The following STXBP4 variants were observed in gnomAD, a reference collection of about 807,000 sequenced individuals.
The protein encoded by STXBP4 is syntaxin binding protein 4, also known as syntaxin-binding protein 4.
A neutral mutation model predicts 76.1 loss-of-function variants in STXBP4; 55 were observed. The observed-to-expected ratio is 0.72, with a 90% CI of 0.58 to 0.91. STXBP4 has a LOEUF of 0.91. STXBP4 is among the 40% of genes least tolerant of loss of function. STXBP4 has a pLI of 0.00. For missense variants in STXBP4, 618 were observed against 636.9 expected (o/e 0.97, Z 0.32); for synonymous variants, 201 against 220.2 (o/e 0.91, Z 0.77).
chr17:55,135,819 C>T (rs747280861), intron 16 of STXBP4, among the ~76,000 whole-genome samples: 12 of 152,034 alleles, frequency 7.9e-5, no homozygotes, highest in Non-Finnish European at 1.6e-4. Flanking sequence ...CAAATTGAGA[C>T]GTTGGGAATC....
rs951509907 is a variant in STXBP4 at position 55,031,232 on chromosome 17, A to G, written c.731A>G (p.Gln244Arg). The G allele has an allele frequency of 1.2e-6, 2 of 1,613,170 alleles. No individual in the cohort carries two copies. The highest frequency in any genetic ancestry group is 3.3e-5 in the Admixed American group (2 of 59,962). ...CACCAAGCCCTGAGACAGCAAGTAC[A>G]AGCAGACTCAAAAGGGACAGTGTCT... Reference protein sequence around the residue: ...EQHQALRQQVQADSKGTVSFG... With the variant: ...EQHQALRQQVRADSKGTVSFG... The change falls in exon 9 of 18, where the codon CAA becomes CGA. Residue 244 changes from glutamine to arginine, a missense_variant. Transcript: ENST00000376352.
chr17:55,146,266 C>G (rs888793013), intron 17 of STXBP4, among the ~76,000 whole-genome samples: 1 of 152,072 alleles, frequency 6.6e-6, no homozygotes, highest in Non-Finnish European at 1.5e-5. Flanking sequence ...TAAATTTCTC[C>G]AAAATTTTAG....
At chr17:55,206,857 G>GAAAAAAAAAAA in the STXBP4 span, among the ~76,000 whole-genome samples, 1 of 103,164 alleles carries the variant, frequency 9.7e-6, no homozygotes, top group Non-Finnish European at 2.0e-5. Flanking sequence ...CTCCGTCTCA[G>GAAAAAAAAAAA]AAAAAAAAAA....
At chr17:55,152,601 A>G (rs960117702) in intron 17 of STXBP4, among the ~76,000 whole-genome samples, 12 of 152,168 alleles carry the variant, frequency 7.9e-5, no homozygotes, top group African/African-American at 2.9e-4. Flanking sequence ...AGGCAGCAGG[A>G]GTGAGAAGTG....
intron 8 of STXBP4, among the ~76,000 whole-genome samples, chr17:55,015,877 A>C (rs201781398): frequency 0.045 from 4,747 of 106,648 alleles, no homozygotes; most frequent in Non-Finnish European, 0.048. Context: ...CACTTCACTC[A>C]ATTTGCCTTC....
intron 8 of STXBP4, among the ~76,000 whole-genome samples, chr17:55,023,753 G>A (rs150537347): frequency 7.9e-5 from 12 of 152,152 alleles, no homozygotes; most frequent in East Asian, 5.8e-4. Flanking sequence ...AAGTGTGTGA[G>A]CACTTGTGTG....
chr17:55,076,819 T>C lies in STXBP4; in HGVS notation c.1189-1259T>C, dbSNP rs536481697. On this transcript the variant is annotated intron_variant, in intron 13 of 17. Coordinates refer to ENST00000376352, the MANE Select transcript of STXBP4 (RefSeq NM_178509.6). ...TTCTGGCTGTTTTCTCTTTACCTTTTCTCCCCATTTGTATTTCAATTTTTG... is the reference window on the plus strand; with the variant it reads ...TTCTGGCTGTTTTCTCTTTACCTTTCCTCCCCATTTGTATTTCAATTTTTG... 2.8e-4 allele frequency among the ~76,000 whole-genome samples: 43 copies of C among 152,270 alleles called. 1 individual carries two copies. The highest frequency in any genetic ancestry group is 6.8e-3 in the Middle Eastern group (2 of 294).
At chr17:55,073,116 C>T (rs2079142501) in intron 13 of STXBP4, 40 bp downstream of exon 13, 2 of 1,592,398 alleles carry the variant, frequency 1.3e-6, no homozygotes, top group Non-Finnish European at 1.7e-6. Flanking sequence ...CCATGGTTTC[C>T]TTGCCGTTGT....
At chr17:55,000,236 G>C in intron 6 of STXBP4, 1 of 985,306 alleles carries the variant, frequency 1.0e-6, no homozygotes. Context: ...ACACAGTGAG[G>C]CTAATCCCAG....
At chr17:55,008,027 C>T (rs2078040452) in intron 8 of STXBP4, among the ~76,000 whole-genome samples, 1 of 151,726 alleles carries the variant, frequency 6.6e-6, no homozygotes, top group Non-Finnish European at 1.5e-5. Flanking sequence ...AGTCAGATGT[C>T]CACTAAATAT....
intron 16 of STXBP4, among the ~76,000 whole-genome samples, chr17:55,094,051 A>G (rs1197578646): frequency 1.3e-5 from 2 of 152,088 alleles, no homozygotes; most frequent in East Asian, 3.9e-4. Flanking sequence ...GTCTTCTTTG[A>G]AGAGGTAACA....
At chr17:54,998,876 TA>T (rs2077859351) in intron 4 of STXBP4, among the ~76,000 whole-genome samples, 2 of 152,064 alleles carry the variant, frequency 1.3e-5, no homozygotes, top group South Asian at 4.1e-4. Flanking sequence ...ACTAAAGTTT[TA>T]AAAATCTCAA....
intron 16 of STXBP4, among the ~76,000 whole-genome samples, chr17:55,094,088 A>T (rs2079451578): frequency 6.6e-6 from 1 of 151,924 alleles, no homozygotes; most frequent in South Asian, 2.1e-4. Flanking sequence ...GCCAGGAACA[A>T]AAACTATGGG....
At chr17:55,069,461 A>G (rs1043560146) in intron 12 of STXBP4, among the ~76,000 whole-genome samples, 1 of 152,176 alleles carries the variant, frequency 6.6e-6, no homozygotes, top group Non-Finnish European at 1.5e-5. Context: ...GTTATTTATT[A>G]GAAGACAGCC....
At chr17:55,151,296 C>T (rs997732149) in intron 17 of STXBP4, among the ~76,000 whole-genome samples, 1 of 152,144 alleles carries the variant, frequency 6.6e-6, no homozygotes, top group African/African-American at 2.4e-5. Context: ...CTTTGATACT[C>T]TGAGCCTCAG....
At chr17:55,136,913 A>G (rs560751875) in intron 16 of STXBP4, among the ~76,000 whole-genome samples, 1 of 152,282 alleles carries the variant, frequency 6.6e-6, no homozygotes, top group East Asian at 1.9e-4. Flanking sequence ...CACCAGAACC[A>G]TAAGCAATGA....
At chr17:55,016,629 T>C (rs1293522669) in intron 8 of STXBP4, among the ~76,000 whole-genome samples, 5 of 152,238 alleles carry the variant, frequency 3.3e-5, no homozygotes, top group Non-Finnish European at 7.3e-5. Context: ...ATACCCATTG[T>C]GGCTTTTTCC....
chr17:55,181,228 G>A, the STXBP4 span, among the ~76,000 whole-genome samples: 3 of 152,134 alleles, frequency 2.0e-5, no homozygotes, highest in African/African-American at 7.2e-5. Context: ...GAACTACCAA[G>A]GTGCTTAGCA....
intron 17 of STXBP4, among the ~76,000 whole-genome samples, chr17:55,144,005 G>GCAGA (rs1555591628): frequency 3.6e-5 from 5 of 138,858 alleles, no homozygotes; most frequent in Non-Finnish European, 6.2e-5. Flanking sequence ...AAAGCCACCT[G>GCAGA]CACACACACA....
Sources: allele counts gnomAD v4.1 joint callset (sites outside exome capture counted in the v4.1 genomes callset), GRCh38; gene constraint gnomAD v4.1.1; transcripts MANE v1.5; gene names NCBI Gene and HGNC (gene_info 2026-07-23, HGNC 2026-07-21).